Variants in TGM1 observed in about 807,000 individuals in gnomAD.
The protein encoded by TGM1 is transglutaminase 1, also known as protein-glutamine gamma-glutamyltransferase K.
TGM1 carries 63 observed loss-of-function variants against 88.7 expected under a neutral mutation model. That is an observed-to-expected ratio of 0.71 (90% CI 0.58 to 0.88). The LOEUF (loss-of-function observed/expected upper bound fraction) is 0.88, where lower values mean the gene tolerates loss of function less well. Ranked by LOEUF, TGM1 falls within the 40% of genes least tolerant of loss-of-function variation. The probability of loss-of-function intolerance (pLI) is 0.00; values close to 1 mark genes in which losing one functional copy is unlikely to be tolerated. For synonymous variants in TGM1, 415 were observed against 431.1 expected (o/e 0.96, Z 0.46); for missense variants, 996 against 1,118.0 (o/e 0.89, Z 1.56).
intron 9 of TGM1, among the ~76,000 whole-genome samples, chr14:24,258,000 T>C (rs932462378): frequency 2.6e-5 from 4 of 152,270 alleles, no homozygotes; most frequent in African/African-American, 9.6e-5. Context: ...ATTCTTTCTC[T>C]GAATACTCTT....
At position 24,249,406 on chromosome 14, in the gene TGM1, G is replaced by A. The variant is rs1156698981; in HGVS notation, c.2361C>T (p.Ala787=). 6.2e-7 allele frequency: 1 copy of A among 1,614,052 alleles called. No homozygotes were observed. Residue 787 remains alanine, a synonymous_variant, in exon 15 of 15, where the codon GCC becomes GCT. Transcript: ENST00000206765. ...AGAAGCCCCCATCCCCAGGGGCTGGGGCCACATCCACCTGGATGACACCGT... is the reference window on the plus strand; with the variant it reads ...AGAAGCCCCCATCCCCAGGGGCTGGAGCCACATCCACCTGGATGACACCGT... ...QVHGVIQVDV[A]PAPGDGGFFS...
chr14:24,254,523 G>A, intron 13 of TGM1, 141 bp downstream of exon 13: 1 of 1,351,264 alleles, frequency 7.4e-7, no homozygotes, highest in East Asian at 2.4e-5. Context: ...AGGAAACTGA[G>A]GCCCCAGAGC....
chr14:24,263,036 G>C (rs1368511068), intron 1 of TGM1, 53 bp downstream of exon 1: 2 of 155,878 alleles, frequency 1.3e-5, no homozygotes, highest in Non-Finnish European at 2.8e-5. Flanking sequence ...CACGGCCTCT[G>C]ATAGTGTGGG....
At chr14:24,252,481 G>C (rs2277486) in intron 14 of TGM1, among the ~76,000 whole-genome samples, 4,419 of 152,332 alleles carry the variant, frequency 0.029, 300 homozygotes, top group East Asian at 0.25. Context: ...CCCCACCATG[G>C]TGGGGGTGTG....
intron 4 of TGM1, 21 bp downstream of exon 4, chr14:24,260,429 C>T (rs772447982): frequency 1.2e-5 from 20 of 1,614,028 alleles, no homozygotes; most frequent in Non-Finnish European, 1.7e-5. Context: ...CTACCCTCTG[C>T]TCCAGACCCC....
chr14:24,257,434 T>C (rs970917635), intron 9 of TGM1, among the ~76,000 whole-genome samples: 2 of 152,246 alleles, frequency 1.3e-5, no homozygotes, highest in Non-Finnish European at 2.9e-5. Flanking sequence ...GTTGGTTATA[T>C]TAACAGTAAT....
Position 24,255,916 on chromosome 14 carries a change from C to T in TGM1, c.1491+73G>A, listed in dbSNP as rs2040746623. On this transcript the variant is annotated intron_variant, in intron 10 of 14. Coordinates refer to ENST00000206765, the MANE Select transcript of TGM1 (RefSeq NM_000359.3). This position sits in a 1 kb window ranked among gnomAD's most constrained non-coding sequence, Gnocchi z 4.0. ...ACTTGCCCCGGGTCGCAGAGCTGGT[C>T]AGTCAGCGGTGAAGTTGGGACCAGA... The T allele has an allele frequency of 2.4e-6, 3 of 1,271,102 alleles. No homozygotes were observed. In the Admixed American group the frequency reaches 5.9e-5, roughly 25 times the overall value. The allele number at this position is 1,271,102 out of a possible 1,614,324, so 78.7% of individuals were successfully genotyped here.
At position 24,249,484 on chromosome 14, in the gene TGM1, T is replaced by G. The variant is rs779456770; in HGVS notation, c.2283A>C (p.Pro761=). The G allele has an allele frequency of 2.5e-6, 4 of 1,614,132 alleles. No individual in the cohort carries two copies. In the South Asian group the frequency reaches 4.4e-5, roughly 18 times the overall value. Residue 761 remains proline (P), a synonymous_variant, in exon 15 of 15, where the codon CCA becomes CCC. Transcript: ENST00000206765. ...AGCTGGCAATGAGCTGGCGGGGGCC[T>G]GGTCGCACAGGCACAAACGACTGGC... ...TLRQSFVPVR[P]GPRQLIASLD...
intron 1 of TGM1, 31 bp from the exon 2 acceptor site, chr14:24,262,385 C>G: frequency 6.2e-7 from 1 of 1,608,176 alleles, no homozygotes; most frequent in Non-Finnish European, 8.5e-7. Context: ...GGCTCCTTAA[C>G]CCAGGTAGTC....
In TGM1 at chr14:24,260,041, C is replaced by G. The variant is rs1257931733; in HGVS notation, c.775G>C (p.Asp259His). Residue 259 changes from aspartate to histidine, a missense_variant, in exon 5 of 15, where the codon GAC (aspartate) becomes CAC (histidine). Coordinates refer to ENST00000206765, the MANE Select transcript of TGM1 (RefSeq NM_000359.3). ...PWCPEDIVYV[D>H]HEDWRQEYVL... ...TACTCCTGCCGCCAATCCTCATGGT[C>G]CACGTACACAATGTCCTCTGTGTCC... is the stretch of plus-strand genomic sequence containing the variant. The G allele has an allele frequency of 1.9e-6, 3 of 1,614,168 alleles. No homozygotes were observed. The Admixed American group carries it at 5.0e-5, about 27-fold the overall frequency.
In TGM1 at chr14:24,261,810, T is replaced by G; in HGVS notation, c.393A>C (p.Thr131=). ...RSDQNRREHH[T]DEYEYDELIV... Reference sequence around the variant, plus strand: ...TCAGCTCGTCGTACTCATACTCGTCTGTGTGGTGCTCTCGGCGGTTCTGGT... The same window carrying G: ...TCAGCTCGTCGTACTCATACTCGTCGGTGTGGTGCTCTCGGCGGTTCTGGT... Residue 131 remains threonine, a synonymous_variant, in exon 3 of 15, where the codon ACA becomes ACC. Coordinates refer to ENST00000206765, the MANE Select transcript of TGM1 (RefSeq NM_000359.3). The G allele has an allele frequency of 6.2e-7, 1 of 1,614,080 alleles. No homozygotes were observed. The highest frequency in any genetic ancestry group is 8.5e-7 in the Non-Finnish European group (1 of 1,180,000).
chr14:24,258,733 T>C, intron 7 of TGM1, 60 bp from the exon 8 acceptor site: 1 of 1,603,736 alleles, frequency 6.2e-7, no homozygotes. Context: ...AGGCATCGTG[T>C]CAGGAGTATC....
At chr14:24,260,827 CTTATTCTCTGACAGTCTCCCTTAG>C in intron 3 of TGM1, 129 bp from the exon 4 acceptor site, 1 of 1,264,520 alleles carries the variant, frequency 7.9e-7, no homozygotes, top group East Asian at 2.5e-5. Flanking sequence ...GGGCCATCAC[CTTATTCTCTGACAGTCTCCCTTAG>C]AGCAGCTCTG....
At chr14:24,261,260 G>T (rs895139130) in intron 3 of TGM1, among the ~76,000 whole-genome samples, 1 of 152,186 alleles carries the variant, frequency 6.6e-6, no homozygotes, top group African/African-American at 2.4e-5. Context: ...CGCGGTAAGG[G>T]AGGCACCTGC....
rs2040810092 is a variant in TGM1 at position 24,261,701 on chromosome 14, G to A, written c.502C>T (p.Leu168Phe). ...ESSDRITLEL[L>F]IGNNPEVGKG... ...CAATCCAAGCCCCACTGACCGATGA[G>A]TAACTCAAGGGTGATGCGATCAGAG... The change falls in exon 3 of 15, where the codon CTC becomes TTC. Residue 168 changes from leucine to phenylalanine, a missense_variant. Physicochemically the swap from Leu to Phe is conservative, Grantham distance 22. Coordinates refer to ENST00000206765, the MANE Select transcript of TGM1 (RefSeq NM_000359.3). The A allele has an allele frequency of 6.2e-7, 1 of 1,614,038 alleles. No homozygotes were observed. Among genetic ancestry groups the A allele is most frequent in the Admixed American group, 1.7e-5 (1 of 60,010 alleles).
intron 3 of TGM1, among the ~76,000 whole-genome samples, chr14:24,261,175 C>A (rs2040805604): frequency 6.6e-6 from 1 of 152,118 alleles, no homozygotes; most frequent in Non-Finnish European, 1.5e-5. Flanking sequence ...AGGCCCTAAT[C>A]AAAGGGTAAA....
In TGM1 at chr14:24,255,904, C is replaced by T. The variant is rs1027874149; in HGVS notation, c.1491+85G>A. On this transcript the variant is annotated intron_variant, in intron 10 of 14. Coordinates refer to ENST00000206765, the MANE Select transcript of TGM1 (RefSeq NM_000359.3). This position sits in a 1 kb window ranked among gnomAD's most constrained non-coding sequence, Gnocchi z 4.0. ...GTATAATGAGTGACTTGCCCCGGGT[C>T]GCAGAGCTGGTCAGTCAGCGGTGAA... is the stretch of plus-strand genomic sequence containing the variant. 1.7e-5 allele frequency: 20 copies of T among 1,164,000 alleles called. No homozygotes were observed. The highest frequency in any genetic ancestry group is 2.6e-5 in the East Asian group (1 of 39,146). 72.1% of individuals were successfully genotyped at this position (1,164,000 alleles called of 1,614,324 possible). A position where few individuals can be genotyped will look rare whatever the true frequency, so the allele number is the denominator to read the frequency against.
rs545348591 is a variant in TGM1 at position 24,259,193 on chromosome 14, G to C, written c.1041C>G (p.Ser347=). 56 of 1,614,070 alleles carry C rather than the reference G, an allele frequency of 3.5e-5. No homozygotes were observed. The Middle Eastern group carries it at 9.9e-4, about 29-fold the overall frequency. ...CCCACGCTGATGGGTTGGTGCCTCG[G>C]GAGTAATCACCAGACCAGTTCCCAA... is the stretch of plus-strand genomic sequence containing the variant. ...VLIGNWSGDY[S]RGTNPSAWVG... Residue 347 remains serine (S), a synonymous_variant, in exon 7 of 15, where the codon TCC becomes TCG. Coordinates refer to ENST00000206765, the MANE Select transcript of TGM1 (RefSeq NM_000359.3). This position sits in a 1 kb window ranked among gnomAD's most constrained non-coding sequence, Gnocchi z 5.7.
chr14:24,262,356 T>C lies in TGM1; in HGVS notation c.-2-2A>G. The C allele has an allele frequency of 3.1e-6, 5 of 1,613,486 alleles. No homozygotes were observed. Among genetic ancestry groups the C allele is most frequent in the Non-Finnish European group, 4.2e-6 (5 of 1,179,972 alleles). Reference sequence around the variant, plus strand: ...CGGAACGTGGCCCATCCATCATGCCTGTTAGGAAGAGGCAGGGTGGCTCCT... The same window carrying C: ...CGGAACGTGGCCCATCCATCATGCCCGTTAGGAAGAGGCAGGGTGGCTCCT... On this transcript the variant is annotated splice_acceptor_variant, in intron 1 of 14. Transcript: ENST00000206765. LOFTEE classifies it low-confidence loss of function (5UTR_SPLICE).
Sources: allele counts gnomAD v4.1 joint callset (sites outside exome capture counted in the v4.1 genomes callset), GRCh38; gene constraint gnomAD v4.1.1; non-coding constraint Gnocchi (gnomAD v3.1); transcripts MANE v1.5; gene names NCBI Gene and HGNC (gene_info 2026-07-23, HGNC 2026-07-21).